The following MIB1 variants were observed in gnomAD, a reference collection of about 807,000 sequenced individuals.
The protein encoded by MIB1 is MIB E3 ubiquitin protein ligase 1.
In MIB1, 278 loss-of-function variants were observed where a neutral mutation model predicts 124.5. That is an observed-to-expected ratio of 2.23 (90% confidence interval 2.02 to 2.47). The LOEUF is 2.47. MIB1 is among the 30% of genes most tolerant of loss of function. The pLI, the probability that MIB1 is intolerant of heterozygous loss-of-function variation, is 0.00. For synonymous variants in MIB1, 446 were observed against 429.4 expected, an observed-to-expected ratio of 1.04 and a Z score of -0.48; for missense variants, 957 against 1,254.4, an observed-to-expected ratio of 0.76 and a Z score of 3.58.
chr18:21,803,915 G>A lies in MIB1; in HGVS notation c.1380G>A (p.Gly460=), dbSNP rs990620828. 7 of 1,611,094 alleles carry A rather than the reference G, an allele frequency of 4.3e-6. No homozygotes were observed. The African/African-American group carries it at 8.0e-5, about 18-fold the overall frequency. The change falls in exon 10 of 21, where the codon GGG becomes GGA. Residue 460 remains glycine, a synonymous_variant. Coordinates refer to ENST00000261537, the MANE Select transcript of MIB1 (RefSeq NM_020774.4). ...LLKRPDVDVN[G]QCAGHTAMQA... ...TTTTTTAAAAAATGTAGGTAAATGG[G>A]CAATGTGCTGGCCACACAGCTATGC...
chr18:21,838,680 G>C (rs1056901280), intron 13 of MIB1, among the ~76,000 whole-genome samples, 183 bp downstream of exon 13: 3 of 152,110 alleles, frequency 2.0e-5, no homozygotes, highest in Non-Finnish European at 4.4e-5. Flanking sequence ...TTAAATGCAG[G>C]ATGGTGATGT....
At chr18:21,751,698 C>T (rs1185354480) in intron 1 of MIB1, among the ~76,000 whole-genome samples, 4 of 133,490 alleles carry the variant, frequency 3.0e-5, no homozygotes, top group Admixed American at 7.4e-5. Flanking sequence ...TCTTTCTTCC[C>T]TTTTCTTCCC....
chr18:21,786,693 A>AT (rs371073853), intron 6 of MIB1, among the ~76,000 whole-genome samples: 1 of 149,762 alleles, frequency 6.7e-6, no homozygotes, highest in Admixed American at 6.6e-5. Flanking sequence ...CACTGTTTTT[A>AT]TTTTTTTCCA....
intron 6 of MIB1, among the ~76,000 whole-genome samples, chr18:21,785,837 G>A (rs1304846623): frequency 1.3e-5 from 2 of 152,086 alleles, no homozygotes; most frequent in African/African-American, 4.8e-5. Context: ...TCTGGGAAAG[G>A]TTTTATCTCC....
At chr18:21,824,694 A>G (rs1248209365) in intron 12 of MIB1, among the ~76,000 whole-genome samples, 1 of 152,104 alleles carries the variant, frequency 6.6e-6, no homozygotes, top group Non-Finnish European at 1.5e-5. Context: ...CTTTTAGAGA[A>G]TGATGTTCAT....
At chr18:21,821,594 G>GTT (rs200896665) in intron 12 of MIB1, among the ~76,000 whole-genome samples, 2 of 146,216 alleles carry the variant, frequency 1.4e-5, no homozygotes, top group Admixed American at 6.8e-5. Context: ...TGTTTTTTTT[G>GTT]TTTTTTTTGT....
intron 1 of MIB1, among the ~76,000 whole-genome samples, chr18:21,706,251 T>G (rs1203695582): frequency 6.6e-6 from 1 of 152,166 alleles, no homozygotes; most frequent in African/African-American, 2.4e-5. Flanking sequence ...CCAGCTAATC[T>G]TGTATTTTCA....
chr18:21,868,753 A>G lies in MIB1; in HGVS notation c.*4087A>G, dbSNP rs895467711. 6.6e-6 allele frequency: 1 copy of G among 152,478 alleles called. No homozygotes were observed. The highest frequency in any genetic ancestry group is 2.4e-5 in the African/African-American group (1 of 41,462). The allele number at this position is 152,478 out of a possible 1,614,324, so 9.4% of individuals were successfully genotyped here. On this transcript the variant is annotated 3_prime_UTR_variant, in exon 21 of 21. Coordinates refer to ENST00000261537, the MANE Select transcript of MIB1 (RefSeq NM_020774.4). The stretch of plus-strand genomic sequence containing the variant: ...ATAGCCTAGGAAATTTAACATATAT[A>G]TAACTATAGCAGTATTAATAATGAT...
chr18:21,863,429 G>A (rs935828879), intron 20 of MIB1, among the ~76,000 whole-genome samples: 7 of 152,198 alleles, frequency 4.6e-5, no homozygotes. Flanking sequence ...GGTGAAGGCA[G>A]AGAGTTTTAT....
intron 1 of MIB1, among the ~76,000 whole-genome samples, chr18:21,718,684 C>T (rs1486028123): frequency 6.6e-6 from 1 of 152,188 alleles, no homozygotes; most frequent in African/African-American, 2.4e-5. Flanking sequence ...CAATAGTTAA[C>T]CAAAACTATG....
At chr18:21,853,027 C>T (rs868168150) in intron 17 of MIB1, 113 bp from the exon 18 acceptor site, 2 of 682,226 alleles carry the variant, frequency 2.9e-6, no homozygotes, top group South Asian at 1.9e-5. Context: ...TTAAATTTCT[C>T]TGTGCCTAGG....
At chr18:21,709,886 T>G (rs946766221) in intron 1 of MIB1, among the ~76,000 whole-genome samples, 1 of 152,234 alleles carries the variant, frequency 6.6e-6, no homozygotes, top group Non-Finnish European at 1.5e-5. Context: ...GAACTGCATG[T>G]GCAAGGGTCT....
chr18:21,739,932 A>AC (rs1263503557), upstream of MIB1, among the ~76,000 whole-genome samples: 1 of 150,726 alleles, frequency 6.6e-6, no homozygotes, highest in Non-Finnish European at 1.5e-5. Context: ...GCAAAAAAAA[A>AC]AACAACAACA....
chr18:21,758,432 C>T (rs145736437), intron 1 of MIB1, among the ~76,000 whole-genome samples: 185 of 152,048 alleles, frequency 1.2e-3, no homozygotes, highest in Middle Eastern at 3.4e-3. Flanking sequence ...ATTTGATTTG[C>T]GGTTAAAGTT....
intron 20 of MIB1, among the ~76,000 whole-genome samples, chr18:21,859,270 G>C (rs2042253577): frequency 6.6e-6 from 1 of 151,874 alleles, no homozygotes; most frequent in African/African-American, 2.4e-5. Flanking sequence ...GCTGGGTGTG[G>C]TGACCTCCCA....
In MIB1 at chr18:21,764,968, G is replaced by GA. The variant is rs199944075; in HGVS notation, c.230-795dup. On this transcript the variant is annotated intron_variant, in intron 1 of 20. Coordinates refer to ENST00000261537, the MANE Select transcript of MIB1 (RefSeq NM_020774.4). The stretch of plus-strand genomic sequence containing the variant: ...TGATGTTGACAAGCCACACATTGTT[G>GA]AAAAAAAAATCCTAGTTTTTATTTA... Among the ~76,000 whole-genome samples the GA allele has an allele frequency of 8.3e-3, 1,254 of 150,338 alleles. 9 individuals are homozygous for GA. Among genetic ancestry groups the GA allele is most frequent in the South Asian group, 0.013 (63 of 4,770 alleles).
At position 21,757,451 on chromosome 18, in the gene MIB1, C is replaced by CAAAA. The variant is rs1202189616; in HGVS notation, c.230-8295_230-8292dup. Reference sequence around the variant, plus strand: ...TGGGCTACAGAGTGAGACTCTGTCTCAAAAAAAAAAAAAAAAAAAAAAAAA... The same window carrying CAAAA: ...TGGGCTACAGAGTGAGACTCTGTCTCAAAAAAAAAAAAAAAAAAAAAAAAAAAAA... On this transcript the variant is annotated intron_variant, in intron 1 of 20. Transcript: ENST00000261537. 1.4e-3 allele frequency among the ~76,000 whole-genome samples: 19 copies of CAAAA among 13,270 alleles called. 2 individuals are homozygous for CAAAA. Among genetic ancestry groups the CAAAA allele is most frequent in the African/African-American group, 3.4e-3 (10 of 2,980 alleles). The allele number at this position is 13,270 out of a possible 152,430, so 8.7% of individuals were successfully genotyped here.
chr18:21,855,273 G>A (rs1191241301), intron 18 of MIB1, among the ~76,000 whole-genome samples: 2 of 152,222 alleles, frequency 1.3e-5, no homozygotes, highest in East Asian at 1.9e-4. Context: ...AGTTCGTCCA[G>A]TACCCCCATC....
intron 6 of MIB1, among the ~76,000 whole-genome samples, chr18:21,787,199 A>C (rs1260487039): frequency 6.6e-6 from 1 of 152,076 alleles, no homozygotes; most frequent in Non-Finnish European, 1.5e-5. Flanking sequence ...AAATGTTTGG[A>C]ACTCTGTTCA....
Sources: allele counts gnomAD v4.1 joint callset (sites outside exome capture counted in the v4.1 genomes callset), GRCh38; gene constraint gnomAD v4.1.1; transcripts MANE v1.5; gene names NCBI Gene and HGNC (gene_info 2026-07-23, HGNC 2026-07-21).